ANKS1B: variants seen among roughly 807,000 people sequenced by gnomAD.
ANKS1B encodes the protein ankyrin repeat and sterile alpha motif domain containing 1B.
ANKS1B carries 36 observed loss-of-function variants against 148.3 expected under a neutral mutation model. The observed-to-expected ratio is 0.24, with a 90% CI of 0.19 to 0.32. The LOEUF (loss-of-function observed/expected upper bound fraction) is 0.32. Among genes scored for constraint, ANKS1B ranks in the 10% least tolerant of loss-of-function variants. The pLI is 1.00. For missense variants in ANKS1B, 1,157 were observed against 1,542.6 expected, an observed-to-expected ratio of 0.75 and a Z score of 4.19; for synonymous variants, 542 against 560.8, an observed-to-expected ratio of 0.97 and a Z score of 0.47.
intron 20 of ANKS1B, among the ~76,000 whole-genome samples, chr12:98,802,594 CTTTTTTTTTTTTTTTTTTTTTTTTT>C (rs397850118): frequency 2.9e-5 from 1 of 34,790 alleles, no homozygotes; most frequent in African/African-American, 1.1e-4. Flanking sequence ...AATGCACAGG[CTTTTTTTTTTTTTTTTTTTTTTTTT>C]TTTTTTTTTT....
At chr12:99,546,408 T>C in intron 9 of ANKS1B, among the ~76,000 whole-genome samples, 1 of 152,152 alleles carries the variant, frequency 6.6e-6, no homozygotes, top group Non-Finnish European at 1.5e-5. Flanking sequence ...AAAACTCTAT[T>C]CCAATCTTAA....
intron 4 of ANKS1B, among the ~76,000 whole-genome samples, chr12:99,784,838 G>A (rs1029994271): frequency 3.3e-5 from 5 of 152,114 alleles, no homozygotes; most frequent in African/African-American, 1.2e-4. Context: ...CCTGACCCCT[G>A]AAGTTTAGTG....
chr12:98,887,813 G>A (rs11109652), intron 17 of ANKS1B, among the ~76,000 whole-genome samples: 7,994 of 152,178 alleles, frequency 0.053, 332 homozygotes, highest in African/African-American at 0.11. Context: ...GGATTTGGCC[G>A]TGTTGGCCAG....
At chr12:99,138,781 T>A (rs931694865) in intron 15 of ANKS1B, among the ~76,000 whole-genome samples, 1 of 152,192 alleles carries the variant, frequency 6.6e-6, no homozygotes, top group Non-Finnish European at 1.5e-5. Flanking sequence ...TTCACTGTTA[T>A]GTCCTTCACC....
At chr12:99,459,228 C>A (rs1355679170) in intron 10 of ANKS1B, among the ~76,000 whole-genome samples, 2 of 151,922 alleles carry the variant, frequency 1.3e-5, no homozygotes, top group African/African-American at 4.8e-5. Context: ...ATGATTAAAA[C>A]CCTAAGTAAA....
chr12:99,329,128 T>C (rs540970620), intron 12 of ANKS1B, among the ~76,000 whole-genome samples: 2 of 152,070 alleles, frequency 1.3e-5, no homozygotes, highest in South Asian at 2.1e-4. Flanking sequence ...ATATGTGTAA[T>C]TGGAGTAACT....
chr12:99,677,226 C>T (rs577228376), intron 8 of ANKS1B, among the ~76,000 whole-genome samples: 1 of 152,310 alleles, frequency 6.6e-6, no homozygotes, highest in East Asian at 1.9e-4. Context: ...ATCTCCGTTT[C>T]TAGGTCCTGC....
At chr12:99,161,236 C>T (rs191965214) in intron 14 of ANKS1B, among the ~76,000 whole-genome samples, 295 of 152,240 alleles carry the variant, frequency 1.9e-3, no homozygotes, top group African/African-American at 6.4e-3. Context: ...TAAGCCTAAA[C>T]GTGTTATCAA....
intron 1 of ANKS1B, among the ~76,000 whole-genome samples, chr12:99,896,812 C>A (rs528677187): frequency 6.6e-6 from 1 of 151,382 alleles, no homozygotes; most frequent in South Asian, 2.1e-4. Flanking sequence ...GCTCTCTGTG[C>A]CTACGGAATA....
chr12:98,802,219 A>C (rs1052696802), intron 20 of ANKS1B, among the ~76,000 whole-genome samples: 7 of 152,214 alleles, frequency 4.6e-5, no homozygotes, highest in Non-Finnish European at 1.0e-4. Context: ...AGGTCTCATA[A>C]ACTCCAAAAT....
At chr12:99,395,482 C>T (rs2094213952) in intron 12 of ANKS1B, among the ~76,000 whole-genome samples, 1 of 152,172 alleles carries the variant, frequency 6.6e-6, no homozygotes, top group African/African-American at 2.4e-5. Context: ...TTCCCCTCAT[C>T]TTTGCACATC....
At chr12:99,973,993 T>C (rs2095594409) in intron 1 of ANKS1B, among the ~76,000 whole-genome samples, 1 of 152,192 alleles carries the variant, frequency 6.6e-6, no homozygotes, top group Non-Finnish European at 1.5e-5. Flanking sequence ...TAAAATGCTA[T>C]CAAACAGCAT....
At chr12:99,349,683 A>C (rs1456035299) in intron 12 of ANKS1B, among the ~76,000 whole-genome samples, 1 of 152,066 alleles carries the variant, frequency 6.6e-6, no homozygotes, top group Non-Finnish European at 1.5e-5. Context: ...TATATAAAGC[A>C]AATTTGACAG....
chr12:99,714,191 A>T (rs988501287), intron 8 of ANKS1B, among the ~76,000 whole-genome samples: 1 of 151,708 alleles, frequency 6.6e-6, no homozygotes, highest in African/African-American at 2.4e-5. Context: ...CTGTCATCAC[A>T]TCTCTTTCTC....
intron 9 of ANKS1B, among the ~76,000 whole-genome samples, chr12:99,560,759 G>A (rs1003551062): frequency 2.0e-5 from 3 of 151,054 alleles, no homozygotes; most frequent in African/African-American, 7.3e-5. Context: ...GGAGGGTCTT[G>A]CCTCAGTATT....
Position 98,744,908 on chromosome 12 carries a change from G to T in ANKS1B, c.*831C>A, listed in dbSNP as rs1411338182. On this transcript the variant is annotated 3_prime_UTR_variant, in exon 27 of 27. Transcript: ENST00000683438. ...CCTCCTGCTCTAGGGAGCATCACCAGTATTTTGCCACCACTGAGCCAGTCC... is the reference window on the plus strand; with the variant it reads ...CCTCCTGCTCTAGGGAGCATCACCATTATTTTGCCACCACTGAGCCAGTCC... 23 of 985,512 alleles carry T rather than the reference G, an allele frequency of 2.3e-5. No homozygotes were observed. Among genetic ancestry groups the T allele is most frequent in the Non-Finnish European group, 2.7e-5 (22 of 829,900 alleles). The allele number at this position is 985,512 out of a possible 1,614,324, so 61.0% of individuals were successfully genotyped here.
At chr12:99,625,072 A>C (rs2153382923) in intron 9 of ANKS1B, among the ~76,000 whole-genome samples, 1 of 152,306 alleles carries the variant, frequency 6.6e-6, no homozygotes, top group South Asian at 2.1e-4. Context: ...GCCATAAAAA[A>C]AAGAATAAAA....
chr12:98,797,901 AT>A (rs1307298286), intron 22 of ANKS1B, among the ~76,000 whole-genome samples: 2 of 152,202 alleles, frequency 1.3e-5, no homozygotes, highest in Admixed American at 6.5e-5. Flanking sequence ...ATGACCTTAA[AT>A]TTGACTTTAG....
chr12:98,878,809 C>T (rs1332358929), intron 17 of ANKS1B, among the ~76,000 whole-genome samples: 1 of 152,186 alleles, frequency 6.6e-6, no homozygotes, highest in Admixed American at 6.5e-5. Context: ...GCCAGAGTGC[C>T]CCTTTGAGAG....
Sources: allele counts gnomAD v4.1 joint callset (sites outside exome capture counted in the v4.1 genomes callset), GRCh38; gene constraint gnomAD v4.1.1; transcripts MANE v1.5; gene names NCBI Gene and HGNC (gene_info 2026-07-23, HGNC 2026-07-21).